SMOC2: variants seen among roughly 807,000 people sequenced by gnomAD.
SMOC2 encodes the protein SPARC related modular calcium binding 2.
SMOC2 carries 39 observed loss-of-function variants against 61.4 expected under a neutral mutation model. That is an observed-to-expected ratio of 0.64 (90% confidence interval 0.49 to 0.83). The LOEUF is 0.83. Ranked by LOEUF, SMOC2 falls within the 40% of genes least tolerant of loss-of-function variation. SMOC2 has a pLI of 0.00. For synonymous variants in SMOC2, 247 were observed against 239.9 expected (o/e 1.03, Z -0.27); for missense variants, 556 against 592.9 (o/e 0.94, Z 0.65).
At chr6:168,549,880 C>A (rs1784090682) in intron 7 of SMOC2, among the ~76,000 whole-genome samples, 1 of 152,072 alleles carries the variant, frequency 6.6e-6, no homozygotes. Flanking sequence ...TTGCTTTTGA[C>A]CTAATTTCAG....
chr6:168,471,712 T>C (rs1199122733), intron 1 of SMOC2, among the ~76,000 whole-genome samples: 1 of 152,204 alleles, frequency 6.6e-6, no homozygotes, highest in Admixed American at 6.5e-5. Context: ...CCAACACTTG[T>C]TATTTCTGTG....
intron 4 of SMOC2, among the ~76,000 whole-genome samples, chr6:168,542,987 AG>A (rs1410934430): frequency 6.6e-6 from 1 of 152,254 alleles, no homozygotes; most frequent in African/African-American, 2.4e-5. Flanking sequence ...GTAAACTCTG[AG>A]ACGAACTATT....
intron 2 of SMOC2, among the ~76,000 whole-genome samples, chr6:168,522,341 A>G (rs1048132652): frequency 3.9e-5 from 6 of 152,166 alleles, no homozygotes; most frequent in Non-Finnish European, 8.8e-5. Context: ...CTACTCCATC[A>G]TTTCTACTTT....
At chr6:168,659,656 A>C (rs868441631) in intron 11 of SMOC2, among the ~76,000 whole-genome samples, 1 of 133,668 alleles carries the variant, frequency 7.5e-6, no homozygotes, top group Non-Finnish European at 1.6e-5. Context: ...GTGAGGGTGG[A>C]GGTTGTAGGC....
At chr6:168,573,509 G>C (rs1784721238) in intron 7 of SMOC2, among the ~76,000 whole-genome samples, 1 of 152,160 alleles carries the variant, frequency 6.6e-6, no homozygotes, top group African/African-American at 2.4e-5. Flanking sequence ...CGAGCCTGCT[G>C]CTGGTGCTGC....
chr6:168,607,215 T>G (rs1785720270), intron 8 of SMOC2, among the ~76,000 whole-genome samples: 1 of 152,050 alleles, frequency 6.6e-6, no homozygotes. Flanking sequence ...CAGGTTCTCA[T>G]GGTGGCCCGC....
At chr6:168,615,010 C>T (rs930548728) in intron 9 of SMOC2, among the ~76,000 whole-genome samples, 1 of 46,186 alleles carries the variant, frequency 2.2e-5, no homozygotes, top group African/African-American at 8.1e-5. Flanking sequence ...AGGGCCTCTT[C>T]ATACCTACAG....
At chr6:168,642,614 A>G (rs1441034616) in intron 9 of SMOC2, among the ~76,000 whole-genome samples, 1 of 152,186 alleles carries the variant, frequency 6.6e-6, no homozygotes, top group Non-Finnish European at 1.5e-5. Context: ...TGATGTTGTC[A>G]GTGTTCCCCA....
At chr6:168,451,836 A>G (rs1354101014) in intron 1 of SMOC2, among the ~76,000 whole-genome samples, 1 of 152,218 alleles carries the variant, frequency 6.6e-6, no homozygotes, top group Non-Finnish European at 1.5e-5. Flanking sequence ...CTTTTCATTT[A>G]GAGATAAAAC....
intron 7 of SMOC2, among the ~76,000 whole-genome samples, chr6:168,587,070 T>G (rs771227867): frequency 6.6e-6 from 1 of 152,238 alleles, no homozygotes; most frequent in Non-Finnish European, 1.5e-5. Context: ...GCAACTAAAT[T>G]TACTTGTCTA....
chr6:168,584,857 G>A (rs1018748443), intron 7 of SMOC2, among the ~76,000 whole-genome samples: 25 of 152,212 alleles, frequency 1.6e-4, no homozygotes, highest in African/African-American at 5.5e-4. Context: ...AGCACCTGTG[G>A]AAGTAGACAG....
At chr6:168,600,433 A>ACAAAAAAAAAAC (rs1785519116) in intron 8 of SMOC2, among the ~76,000 whole-genome samples, 2 of 48,882 alleles carry the variant, frequency 4.1e-5, no homozygotes, top group Admixed American at 4.3e-4. Context: ...AAAAAAAAAA[A>ACAAAAAAAAAAC]CAAAAAAAAA....
intron 7 of SMOC2, among the ~76,000 whole-genome samples, chr6:168,598,446 T>A (rs1447892723): frequency 6.6e-6 from 1 of 152,158 alleles, no homozygotes; most frequent in East Asian, 1.9e-4. Flanking sequence ...GGAGAAGACT[T>A]CCAGCCACAG....
chr6:168,442,897 G>A (rs143719773), intron 1 of SMOC2, among the ~76,000 whole-genome samples: 293 of 152,334 alleles, frequency 1.9e-3, no homozygotes, highest in South Asian at 8.3e-3. Context: ...ACACACTCAG[G>A]CTTTCCCTGA....
intron 7 of SMOC2, among the ~76,000 whole-genome samples, chr6:168,554,326 A>C (rs1007439248): frequency 6.6e-6 from 1 of 152,234 alleles, no homozygotes; most frequent in South Asian, 2.1e-4. Flanking sequence ...TCCATCAATT[A>C]ATTAACACCT....
At chr6:168,569,720 A>G (rs1042756896) in intron 7 of SMOC2, among the ~76,000 whole-genome samples, 8 of 152,214 alleles carry the variant, frequency 5.3e-5, no homozygotes, top group African/African-American at 9.7e-5. Context: ...CTGGGATTAC[A>G]GGTACGAGCC....
rs1030536451 is a variant in SMOC2, at chr6:168,535,073, C to T, written c.463+7346C>T. On this transcript the variant is annotated intron_variant, in intron 4 of 12. Transcript: ENST00000356284. The surrounding 1 kb of genome is among the most constrained non-coding windows in gnomAD (Gnocchi z 4.6). Reference sequence around the variant, plus strand: ...GCAACCTCCGCCTCCGGGGTTCAAGCGATTCTCCTGCCTCTGCCTCCGGAG... The same window carrying T: ...GCAACCTCCGCCTCCGGGGTTCAAGTGATTCTCCTGCCTCTGCCTCCGGAG... Among the ~76,000 whole-genome samples the T allele has an allele frequency of 2.6e-5, 4 of 152,064 alleles. No homozygotes were observed. The highest frequency in any genetic ancestry group is 7.2e-5 in the African/African-American group (3 of 41,404).
intron 1 of SMOC2, among the ~76,000 whole-genome samples, chr6:168,478,247 A>G (rs1782133990): frequency 6.6e-6 from 1 of 152,208 alleles, no homozygotes; most frequent in Non-Finnish European, 1.5e-5. Context: ...ACTTGGGACC[A>G]CAAGAGGACA....
chr6:168,510,630 G>GTA, intron 2 of SMOC2, among the ~76,000 whole-genome samples: 1 of 152,302 alleles, frequency 6.6e-6, no homozygotes, highest in African/African-American at 2.4e-5. Context: ...GTTTGTCATA[G>GTA]TATCTAGGAA....
Sources: gnomAD v4.1 joint callset for allele counts (sites outside exome capture counted in the v4.1 genomes callset) on GRCh38, gnomAD v4.1.1 for gene constraint, Gnocchi (gnomAD v3.1) non-coding constraint, MANE v1.5 for transcripts, NCBI Gene and HGNC (gene_info 2026-07-23, HGNC 2026-07-21) for gene names.